Variants in BBS9 observed in about 807,000 individuals in gnomAD.
BBS9 encodes Bardet-Biedl syndrome 9, also known as protein PTHB1.
In BBS9, 89 loss-of-function variants were observed where a neutral mutation model predicts 117.7. That is an observed-to-expected ratio of 0.76 (90% CI 0.64 to 0.90). The LOEUF is 0.90. BBS9 is among the 40% of genes least tolerant of loss of function. The pLI is 0.00. For missense variants in BBS9, 982 were observed against 1,042.2 expected (o/e 0.94, Z 0.80); for synonymous variants, 379 against 370.9 (o/e 1.02, Z -0.25).
chr7:33,386,467 T>TATTTATTC (rs1394907305), intron 18 of BBS9, among the ~76,000 whole-genome samples: 7 of 139,876 alleles, frequency 5.0e-5, no homozygotes, highest in African/African-American at 2.0e-4. Context: ...TTTATTTATT[T>TATTTATTC]ATTTATTTAT....
chr7:33,354,707 A>G (rs573210031), intron 15 of BBS9, among the ~76,000 whole-genome samples: 4 of 151,810 alleles, frequency 2.6e-5, no homozygotes, highest in African/African-American at 7.2e-5. Flanking sequence ...TTGGCTTCCA[A>G]TTTGACAGTG....
At chr7:33,161,816 A>G (rs1017560010) in intron 4 of BBS9, among the ~76,000 whole-genome samples, 4 of 152,146 alleles carry the variant, frequency 2.6e-5, no homozygotes, top group African/African-American at 9.7e-5. Flanking sequence ...TGCCATTCTA[A>G]CTGATGTGAG....
intron 19 of BBS9, among the ~76,000 whole-genome samples, chr7:33,476,749 C>T (rs1841856321): frequency 6.6e-6 from 1 of 152,184 alleles, no homozygotes; most frequent in Admixed American, 6.6e-5. Context: ...TAAACTCATG[C>T]TGATGTGAAA....
intron 4 of BBS9, among the ~76,000 whole-genome samples, chr7:33,172,707 A>G (rs552674169): frequency 6.6e-6 from 1 of 152,216 alleles, no homozygotes; most frequent in Non-Finnish European, 1.5e-5. Context: ...GCCCTAAGCA[A>G]TTGTTAACCA....
At position 33,376,096 on chromosome 7, in the gene BBS9, G is replaced by A. The variant is rs546903241; in HGVS notation, c.1790-7570G>A. Among the ~76,000 whole-genome samples the A allele has an allele frequency of 2.6e-5, 4 of 152,104 alleles. No individual in the cohort carries two copies. In the East Asian group the frequency reaches 5.8e-4, roughly 22 times the overall value. Reference sequence around the variant, plus strand: ...TGTTATATAAGTAAACTTGTGTAATGAGGGTTTGCTGTACAGATTACTTTT... The same window carrying A: ...TGTTATATAAGTAAACTTGTGTAATAAGGGTTTGCTGTACAGATTACTTTT... On this transcript the variant is annotated intron_variant, in intron 17 of 22. Transcript: ENST00000242067.
chr7:33,328,753 G>A (rs1813350750), intron 9 of BBS9, among the ~76,000 whole-genome samples: 1 of 151,990 alleles, frequency 6.6e-6, no homozygotes, highest in South Asian at 2.1e-4. Flanking sequence ...TTTAAAACTA[G>A]TATTCTTTTG....
In BBS9 at chr7:33,336,517, C is replaced by T; in HGVS notation, c.1093C>T (p.Leu365=). The change falls in exon 10 of 23, where the codon CTG becomes TTG. Residue 365 remains leucine, a synonymous_variant. Coordinates refer to ENST00000242067, the MANE Select transcript of BBS9 (RefSeq NM_198428.3). The stretch of plus-strand genomic sequence containing the variant: ...TTCATACCTGGGGACAGATCCTTCT[C>T]TGTTCCAAGCTCCAAACGTTCAATC... ...QCSYLGTDPS[L]FQAPNVQSRE... The T allele has an allele frequency of 6.2e-7, 1 of 1,613,684 alleles. No homozygotes were observed. The highest frequency in any genetic ancestry group is 1.1e-5 in the South Asian group (1 of 91,024).
intron 21 of BBS9, among the ~76,000 whole-genome samples, chr7:33,586,270 G>T (rs1197453459): frequency 6.6e-6 from 1 of 151,906 alleles, no homozygotes; most frequent in Non-Finnish European, 1.5e-5. Flanking sequence ...CATACAAGCA[G>T]CCAACAAACC....
intron 19 of BBS9, among the ~76,000 whole-genome samples, chr7:33,440,491 A>G (rs988154176): frequency 5.9e-5 from 9 of 152,280 alleles, no homozygotes; most frequent in East Asian, 1.9e-4. Flanking sequence ...TAAATATGCA[A>G]TGGTGCTTGG....
intron 20 of BBS9, among the ~76,000 whole-genome samples, chr7:33,511,171 G>A (rs531894665): frequency 6.6e-6 from 1 of 152,220 alleles, no homozygotes; most frequent in East Asian, 1.9e-4. Flanking sequence ...AGCATTCTAG[G>A]TGGTCACTGT....
intron 20 of BBS9, among the ~76,000 whole-genome samples, chr7:33,511,474 C>T (rs918391647): frequency 6.6e-6 from 1 of 152,138 alleles, no homozygotes; most frequent in Admixed American, 6.6e-5. Flanking sequence ...AATATTAGCA[C>T]ATTGTATAGC....
chr7:33,155,029 G>T (rs973090553), intron 3 of BBS9, among the ~76,000 whole-genome samples: 1 of 152,182 alleles, frequency 6.6e-6, no homozygotes, highest in African/African-American at 2.4e-5. Flanking sequence ...TGCCATGCTA[G>T]TTTCTGGAAA....
chr7:33,135,386 C>T (rs960053440), intron 1 of BBS9, among the ~76,000 whole-genome samples: 9 of 152,124 alleles, frequency 5.9e-5, no homozygotes, highest in Admixed American at 6.5e-5. Context: ...GGTAAGTGTC[C>T]GATTTCATTC....
intron 5 of BBS9, among the ~76,000 whole-genome samples, chr7:33,209,905 T>C (rs1291064727): frequency 6.6e-6 from 1 of 152,170 alleles, no homozygotes; most frequent in Non-Finnish European, 1.5e-5. Context: ...TCTGCTCTAA[T>C]CTTTATTATT....
chr7:33,219,824 C>G (rs1034317414), intron 5 of BBS9, among the ~76,000 whole-genome samples: 2 of 152,124 alleles, frequency 1.3e-5, no homozygotes, highest in Admixed American at 6.5e-5. Flanking sequence ...CGCTGGGGTC[C>G]CCTTCCACAC....
intron 20 of BBS9, among the ~76,000 whole-genome samples, chr7:33,522,599 T>A (rs930270775): frequency 1.3e-5 from 2 of 152,126 alleles, no homozygotes; most frequent in Admixed American, 6.5e-5. Flanking sequence ...GGGTTGTTTG[T>A]TTTTTTCTTG....
chr7:33,560,435 C>T (rs1855919675), intron 21 of BBS9, among the ~76,000 whole-genome samples: 1 of 152,158 alleles, frequency 6.6e-6, no homozygotes, highest in African/African-American at 2.4e-5. Flanking sequence ...TCCAAACTTG[C>T]CGTTAACTTT....
Position 33,140,225 on chromosome 7 carries a change from C to T in BBS9, c.-11-6017C>T, listed in dbSNP as rs1029799936. On this transcript the variant is annotated intron_variant, in intron 1 of 22. Transcript: ENST00000242067. Reference sequence around the variant, plus strand: ...ATTTTTAGTAGAGATGGGGTTTCACCGTGTTAGCCAGGATGGTCTCGATCT... The same window carrying T: ...ATTTTTAGTAGAGATGGGGTTTCACTGTGTTAGCCAGGATGGTCTCGATCT... 2.6e-4 allele frequency among the ~76,000 whole-genome samples: 40 copies of T among 152,150 alleles called. 1 individual carries two copies. The highest frequency in any genetic ancestry group is 1.3e-3 in the Admixed American group (20 of 15,276).
chr7:33,535,844 C>T (rs1395318593), intron 21 of BBS9, among the ~76,000 whole-genome samples: 1 of 152,038 alleles, frequency 6.6e-6, no homozygotes, highest in African/African-American at 2.4e-5. Context: ...TGGGATGGCC[C>T]ATCTGATTGG....
Sources: allele counts gnomAD v4.1 joint callset (sites outside exome capture counted in the v4.1 genomes callset), GRCh38; gene constraint gnomAD v4.1.1; transcripts MANE v1.5; gene names NCBI Gene and HGNC (gene_info 2026-07-23, HGNC 2026-07-21).